Variants in TNNI3K observed in about 807,000 individuals in gnomAD.
TNNI3K encodes the protein serine/threonine-protein kinase TNNI3K.
Under a neutral mutation model 114.5 loss-of-function variants are expected in TNNI3K, and 140 were observed. The ratio of observed to expected loss-of-function variants is 1.22; its 90% CI spans 1.07 to 1.41. TNNI3K has a LOEUF of 1.41. Among genes scored for constraint, TNNI3K ranks in the 40% most tolerant of loss-of-function variants. The pLI, the probability that TNNI3K is intolerant of heterozygous loss-of-function variation, is 0.00. For missense variants in TNNI3K, 1,125 were observed against 1,007.6 expected, an observed-to-expected ratio of 1.12 and a Z score of -1.58; for synonymous variants, 347 against 347.5, an observed-to-expected ratio of 1.00 and a Z score of 0.02.
intron 20 of TNNI3K, among the ~76,000 whole-genome samples, chr1:74,444,783 T>C (rs1351511273): frequency 6.7e-6 from 1 of 149,986 alleles, no homozygotes; most frequent in African/African-American, 2.5e-5. Flanking sequence ...CAAACTGCAC[T>C]ACAAGACTAC....
At chr1:74,538,462 A>G (rs1047579257) in intron 23 of TNNI3K, among the ~76,000 whole-genome samples, 1 of 152,176 alleles carries the variant, frequency 6.6e-6, no homozygotes, top group African/African-American at 2.4e-5. Flanking sequence ...AGTGTTGAAG[A>G]TATAGCAGGG....
chr1:74,399,924 A>G (rs1455386382), intron 17 of TNNI3K, among the ~76,000 whole-genome samples: 1 of 152,208 alleles, frequency 6.6e-6, no homozygotes, highest in Non-Finnish European at 1.5e-5. Flanking sequence ...TAGGGAACCA[A>G]AGGCAGATGT....
intron 2 of TNNI3K, chr1:74,239,878 AG>A (rs1654078226): frequency 2.2e-5 from 10 of 457,564 alleles, no homozygotes. Flanking sequence ...TGTGGGAGAG[AG>A]GGGAAATGGA....
At chr1:74,393,433 T>C (rs1463602500) in intron 17 of TNNI3K, among the ~76,000 whole-genome samples, 3 of 152,148 alleles carry the variant, frequency 2.0e-5, no homozygotes, top group African/African-American at 2.4e-5. Flanking sequence ...GCTTACTTTA[T>C]GGGGTGGAGA....
At chr1:74,313,753 T>C (rs1350200982) in intron 5 of TNNI3K, among the ~76,000 whole-genome samples, 4 of 152,102 alleles carry the variant, frequency 2.6e-5, no homozygotes, top group Non-Finnish European at 2.9e-5. Context: ...CTATTCTCTG[T>C]ACTCTGTGTT....
intron 17 of TNNI3K, among the ~76,000 whole-genome samples, chr1:74,394,674 A>G (rs1663979629): frequency 6.6e-6 from 1 of 152,220 alleles, no homozygotes; most frequent in African/African-American, 2.4e-5. Flanking sequence ...CGTAAGTCAA[A>G]TACTTGAAAA....
At chr1:74,445,357 C>A (rs1412289916) in intron 20 of TNNI3K, among the ~76,000 whole-genome samples, 1 of 131,112 alleles carries the variant, frequency 7.6e-6, no homozygotes, top group Non-Finnish European at 1.6e-5. Flanking sequence ...TCTCCCAATG[C>A]TATCCCTCCC....
At chr1:74,463,413 A>G (rs770838412) in intron 20 of TNNI3K, 28 bp from the exon 21 acceptor site, 2 of 1,613,078 alleles carry the variant, frequency 1.2e-6, no homozygotes, top group East Asian at 4.5e-5. Flanking sequence ...TGTGAATTTC[A>G]AAACTGACAT....
chr1:74,421,052 G>A (rs1323963802), intron 17 of TNNI3K, among the ~76,000 whole-genome samples: 1 of 152,094 alleles, frequency 6.6e-6, no homozygotes, highest in Non-Finnish European at 1.5e-5. Context: ...GAATAAGTGG[G>A]TTTAAAAATA....
chr1:74,405,857 A>G (rs1664587927), intron 17 of TNNI3K, among the ~76,000 whole-genome samples: 1 of 152,242 alleles, frequency 6.6e-6, no homozygotes, highest in African/African-American at 2.4e-5. Context: ...AAACTTTTAC[A>G]TGTGAACATT....
chr1:74,491,961 A>G (rs1317277432), intron 22 of TNNI3K, 136 bp from the exon 23 acceptor site: 2 of 1,304,120 alleles, frequency 1.5e-6, no homozygotes, highest in African/African-American at 2.9e-5. Flanking sequence ...CTGAAAGGAA[A>G]AGCCAGGAGC....
chr1:74,425,042 T>C (rs574910032), intron 17 of TNNI3K, among the ~76,000 whole-genome samples: 1 of 152,196 alleles, frequency 6.6e-6, no homozygotes, highest in South Asian at 2.1e-4. Context: ...TGGGTAAAGA[T>C]TCAAACAGCA....
intron 5 of TNNI3K, among the ~76,000 whole-genome samples, chr1:74,323,785 T>C (rs1659750633): frequency 6.6e-6 from 1 of 152,196 alleles, no homozygotes; most frequent in African/African-American, 2.4e-5. Flanking sequence ...AGCATTGTGC[T>C]AAGTGCTTTA....
intron 21 of TNNI3K, among the ~76,000 whole-genome samples, chr1:74,474,456 C>T (rs1570668317): frequency 6.6e-6 from 1 of 152,018 alleles, no homozygotes; most frequent in South Asian, 2.1e-4. Flanking sequence ...CTTATCCAGT[C>T]GCCCCAAAAT....
chr1:74,493,733 A>G (rs894860116), intron 23 of TNNI3K, among the ~76,000 whole-genome samples: 1 of 152,202 alleles, frequency 6.6e-6, no homozygotes, highest in Admixed American at 6.5e-5. Context: ...ACATAGAAAA[A>G]TGTACTACCT....
chr1:74,514,295 G>A (rs933960239), intron 23 of TNNI3K, among the ~76,000 whole-genome samples: 1 of 152,188 alleles, frequency 6.6e-6, no homozygotes, highest in Non-Finnish European at 1.5e-5. Context: ...CTATGTATTT[G>A]TCAGAGGCTT....
At chr1:74,415,325 C>T (rs1472251590) in intron 17 of TNNI3K, among the ~76,000 whole-genome samples, 1 of 152,008 alleles carries the variant, frequency 6.6e-6, no homozygotes, top group Non-Finnish European at 1.5e-5. Context: ...TATTTTTCTA[C>T]ACATAGCTTA....
Position 74,410,578 on chromosome 1 carries a change from G to T in TNNI3K, c.1773-25502G>T, listed in dbSNP as rs557043058. ...ACACTACAATTCTTTCATTAACCTG[G>T]TTTCAGACCTTGTCTAATATTTCTC... On this transcript the variant is annotated intron_variant, in intron 17 of 24. Transcript: ENST00000326637. Among the ~76,000 whole-genome samples, 29 of 152,240 alleles carry T rather than the reference G, an allele frequency of 1.9e-4. No homozygotes were observed. In the East Asian group the frequency reaches 5.4e-3, roughly 28 times the overall value.
At chr1:74,396,053 T>C (rs928266971) in intron 17 of TNNI3K, among the ~76,000 whole-genome samples, 18 of 152,108 alleles carry the variant, frequency 1.2e-4, no homozygotes, top group African/African-American at 4.3e-4. Flanking sequence ...TTAACCCTCA[T>C]GCTCCCCCTT....
Sources: allele counts gnomAD v4.1 joint callset (sites outside exome capture counted in the v4.1 genomes callset), GRCh38; gene constraint gnomAD v4.1.1; transcripts MANE v1.5; gene names NCBI Gene and HGNC (gene_info 2026-07-23, HGNC 2026-07-21).